Variants in IL26 observed in about 807,000 individuals in gnomAD.
IL26 encodes interleukin 26, also known as interleukin-26.
In IL26, 23 loss-of-function variants were observed where a neutral mutation model predicts 21.7. That is an observed-to-expected ratio of 1.06 (90% CI 0.76 to 1.50). The LOEUF (loss-of-function observed/expected upper bound fraction) is 1.50, where lower values mean the gene tolerates loss of function less well. Among genes scored for constraint, IL26 ranks in the 40% most tolerant of loss-of-function variants. The probability of loss-of-function intolerance (pLI) is 0.00; values close to 1 mark genes in which losing one functional copy is unlikely to be tolerated. For missense variants in IL26, 204 were observed against 196.0 expected (o/e 1.04, Z -0.24); for synonymous variants, 63 against 67.8 (o/e 0.93, Z 0.34).
intron 3 of IL26, among the ~76,000 whole-genome samples, chr12:68,204,784 C>T (rs1868488996): frequency 6.6e-6 from 1 of 152,058 alleles, no homozygotes; most frequent in African/African-American, 2.4e-5. Context: ...TACGAGTGAC[C>T]CCTAGTAAAG....
intron 3 of IL26, among the ~76,000 whole-genome samples, chr12:68,209,019 T>C (rs973980947): frequency 6.6e-6 from 1 of 152,250 alleles, no homozygotes; most frequent in Non-Finnish European, 1.5e-5. Flanking sequence ...GTGACCCTTA[T>C]AACTTTGTCT....
chr12:68,210,406 A>G (rs1868687037), intron 3 of IL26, among the ~76,000 whole-genome samples: 7 of 149,948 alleles, frequency 4.7e-5, no homozygotes, highest in Admixed American at 3.3e-4. Flanking sequence ...CTAGGACACC[A>G]ACACAAAACT....
intron 3 of IL26, among the ~76,000 whole-genome samples, chr12:68,215,534 G>A (rs375045140): frequency 1.3e-3 from 197 of 152,168 alleles, no homozygotes; most frequent in African/African-American, 4.6e-3. Context: ...CTTTTTCTCC[G>A]TCATTTTTCA....
At chr12:68,224,561 CAGTT>C (rs1869174100) in intron 3 of IL26, among the ~76,000 whole-genome samples, 1 of 147,584 alleles carries the variant, frequency 6.8e-6, no homozygotes, top group East Asian at 2.0e-4. Flanking sequence ...AAAAGGGCAT[CAGTT>C]AGTTATTATT....
chr12:68,209,265 C>T (rs1206424330), intron 3 of IL26, among the ~76,000 whole-genome samples: 5 of 152,132 alleles, frequency 3.3e-5, no homozygotes, highest in Admixed American at 3.3e-4. Context: ...GGGGCCAACA[C>T]GAGTACGGAG....
At chr12:68,213,794 CT>C (rs1445797127) in intron 3 of IL26, among the ~76,000 whole-genome samples, 1 of 151,678 alleles carries the variant, frequency 6.6e-6, no homozygotes, top group Non-Finnish European at 1.5e-5. Context: ...CACTGTTTAT[CT>C]TTTCAAAAAA....
intron 3 of IL26, among the ~76,000 whole-genome samples, chr12:68,209,922 A>C (rs891370344): frequency 6.6e-6 from 1 of 152,170 alleles, no homozygotes; most frequent in African/African-American, 2.4e-5. Context: ...ATAAATATAC[A>C]GCCAGAGGGT....
rs1016144067 is a variant in IL26, at chr12:68,218,058, A to G, written c.363+7091T>C. 2.6e-5 allele frequency among the ~76,000 whole-genome samples: 4 copies of G among 152,288 alleles called. No homozygotes were observed. In the South Asian group the frequency reaches 6.2e-4, roughly 24 times the overall value. ...CCTGCCTAACAAAGCTTAAACAACAAGATCTGAAAAGATCAAACTGTTTGC... is the reference window on the plus strand; with the variant it reads ...CCTGCCTAACAAAGCTTAAACAACAGGATCTGAAAAGATCAAACTGTTTGC... On this transcript the variant is annotated intron_variant, in intron 3 of 4. Coordinates refer to ENST00000229134, the MANE Select transcript of IL26 (RefSeq NM_018402.2).
intron 3 of IL26, among the ~76,000 whole-genome samples, chr12:68,209,120 G>A (rs1868629540): frequency 6.6e-6 from 1 of 152,144 alleles, no homozygotes; most frequent in South Asian, 2.1e-4. Flanking sequence ...TATTGCATAT[G>A]ATGGCTAAAG....
chr12:68,221,099 A>C (rs955493949), intron 3 of IL26, among the ~76,000 whole-genome samples: 4 of 152,206 alleles, frequency 2.6e-5, no homozygotes, highest in Non-Finnish European at 5.9e-5. Context: ...AATTAGGAAC[A>C]GAAACGAACA....
Position 68,225,578 on chromosome 12 carries a change from ATACT to A in IL26, c.171+4_171+7del. 1 of 1,613,944 alleles carries A rather than the reference ATACT, an allele frequency of 6.2e-7. No individual in the cohort carries two copies. Among genetic ancestry groups the A allele is most frequent in the Non-Finnish European group, 8.5e-7 (1 of 1,179,846 alleles). On this transcript the variant is annotated splice_donor_5th_base_variant and intron_variant, in intron 1 of 4. Transcript: ENST00000229134. ...AGGTCATGATTTTAAGCAGAGCCTA[ATACT>A]TACTGGAATCGTTGCTTTGAGCCAT...
chr12:68,219,858 C>T (rs1030062848), intron 3 of IL26, among the ~76,000 whole-genome samples: 1 of 151,868 alleles, frequency 6.6e-6, no homozygotes, highest in South Asian at 2.1e-4. Flanking sequence ...ACAAAAATTA[C>T]CAATATCAGA....
In IL26 at chr12:68,225,665, C is replaced by T; in HGVS notation, c.92G>A (p.Ser31Asn). The change falls in exon 1 of 5, where the codon AGT becomes AAT. Residue 31 changes from serine (S) to asparagine (N), a missense_variant. Coordinates refer to ENST00000229134, the MANE Select transcript of IL26 (RefSeq NM_018402.2). ...GGACAATGTTCCCCTTGGGTAACAACTTTTGGTGAAGGAAGATTGCTTGTG... is the reference window on the plus strand; with the variant it reads ...GGACAATGTTCCCCTTGGGTAACAATTTTTGGTGAAGGAAGATTGCTTGTG... ...AKHKQSSFTK[S>N]CYPRGTLSQA... The T allele has an allele frequency of 1.2e-6, 2 of 1,614,048 alleles. No individual in the cohort carries two copies. Among genetic ancestry groups the T allele is most frequent in the Non-Finnish European group, 1.7e-6 (2 of 1,179,942 alleles).
intron 3 of IL26, 42 bp downstream of exon 3, chr12:68,225,107 G>T: frequency 6.4e-7 from 1 of 1,560,272 alleles, no homozygotes. Context: ...TTCTAAACAG[G>T]TTTCTAGGAT....
At position 68,204,231 on chromosome 12, in the gene IL26, C is replaced by G. The variant is rs550927006; in HGVS notation, c.364-2148G>C. 2.0e-5 allele frequency among the ~76,000 whole-genome samples: 3 copies of G among 150,090 alleles called. No homozygotes were observed. In the East Asian group the frequency reaches 5.9e-4, roughly 30 times the overall value. On this transcript the variant is annotated intron_variant, in intron 3 of 4. Transcript: ENST00000229134. The stretch of plus-strand genomic sequence containing the variant: ...CAATCTTGGCTTACTGCAAGCTCCA[C>G]CCCCGGGGTTCACGCCATTCCCCTG...
chr12:68,201,815 A>G lies in IL26; in HGVS notation c.*30T>C. The G allele has an allele frequency of 1.1e-5, 16 of 1,433,646 alleles. No individual in the cohort carries two copies. Among genetic ancestry groups the G allele is most frequent in the Non-Finnish European group, 1.5e-5 (16 of 1,043,538 alleles). 88.8% of individuals were successfully genotyped at this position (1,433,646 alleles called of 1,614,324 possible). On this transcript the variant is annotated 3_prime_UTR_variant, in exon 5 of 5. Transcript: ENST00000229134. ...AGCAGTTCTTATTGTATTTCAAAAT[A>G]ACTGTAAAATCAATGTACTTGGCTT...
At chr12:68,223,926 A>G (rs972213628) in intron 3 of IL26, among the ~76,000 whole-genome samples, 3 of 130,110 alleles carry the variant, frequency 2.3e-5, no homozygotes, top group Admixed American at 1.8e-4. Context: ...TTTTTAACCT[A>G]GCCGATCTAC....
intron 3 of IL26, among the ~76,000 whole-genome samples, chr12:68,212,798 T>G (rs1267256446): frequency 6.6e-6 from 1 of 152,122 alleles, no homozygotes; most frequent in African/African-American, 2.4e-5. Context: ...AGGTAGAGTC[T>G]TTAGGATATT....
chr12:68,224,704 G>A (rs1180278653), intron 3 of IL26, among the ~76,000 whole-genome samples: 1 of 146,196 alleles, frequency 6.8e-6, no homozygotes, highest in African/African-American at 2.5e-5. Context: ...AAAGGGGAGA[G>A]GGAGGGAGGG....
Sources: allele counts gnomAD v4.1 joint callset (sites outside exome capture counted in the v4.1 genomes callset), GRCh38; gene constraint gnomAD v4.1.1; transcripts MANE v1.5; gene names NCBI Gene and HGNC (gene_info 2026-07-23, HGNC 2026-07-21).